SHISA9: variants seen among roughly 807,000 people sequenced by gnomAD.
SHISA9 encodes the protein shisa family member 9.
In SHISA9, 13 loss-of-function variants were observed where a neutral mutation model predicts 38.0. That is an observed-to-expected ratio of 0.34 (90% CI 0.22 to 0.54). SHISA9 has a LOEUF of 0.54. Among genes scored for constraint, SHISA9 ranks in the 20% least tolerant of loss-of-function variants. SHISA9 has a pLI of 0.91. For missense variants in SHISA9, 538 were observed against 575.8 expected, an observed-to-expected ratio of 0.93 and a Z score of 0.67; for synonymous variants, 275 against 242.0, an observed-to-expected ratio of 1.14 and a Z score of -1.27.
At chr16:13,393,078 G>C in the SHISA9 span, among the ~76,000 whole-genome samples, 1 of 152,192 alleles carries the variant, frequency 6.6e-6, no homozygotes, top group Admixed American at 6.5e-5. Flanking sequence ...GAGGCTTTCA[G>C]GCCTGGGGGA....
chr16:13,389,444 G>A, the SHISA9 span, among the ~76,000 whole-genome samples: 5 of 152,186 alleles, frequency 3.3e-5, no homozygotes, highest in African/African-American at 1.2e-4. Flanking sequence ...CATGGTAAAA[G>A]TGGAAAGCAG....
At chr16:13,015,496 TA>T (rs771500764) in intron 2 of SHISA9, among the ~76,000 whole-genome samples, 9 of 152,250 alleles carry the variant, frequency 5.9e-5, no homozygotes, top group African/African-American at 9.6e-5. Context: ...CCAAAGCCAG[TA>T]TTCTTTACTC....
chr16:12,979,337 G>A (rs1454520523), intron 2 of SHISA9, among the ~76,000 whole-genome samples: 1 of 151,206 alleles, frequency 6.6e-6, no homozygotes, highest in Non-Finnish European at 1.5e-5. Flanking sequence ...ACACAAAACT[G>A]GACTGCTTAT....
At chr16:13,188,362 G>C (rs1228215491) in intron 2 of SHISA9, among the ~76,000 whole-genome samples, 1 of 152,178 alleles carries the variant, frequency 6.6e-6, no homozygotes, top group East Asian at 1.9e-4. Context: ...ATCCAGTAAG[G>C]AGTGAGGCTA....
intron 2 of SHISA9, among the ~76,000 whole-genome samples, chr16:13,046,477 C>T (rs958386985): frequency 2.2e-4 from 33 of 152,144 alleles, no homozygotes; most frequent in African/African-American, 7.0e-4. Context: ...GTCCTCTTTT[C>T]TCATCTTCCA....
intron 2 of SHISA9, among the ~76,000 whole-genome samples, chr16:13,129,739 G>A (rs2050291287): frequency 6.6e-6 from 1 of 152,138 alleles, no homozygotes; most frequent in South Asian, 2.1e-4. Flanking sequence ...TCAATGGATG[G>A]TCCCATATGT....
intron 2 of SHISA9, among the ~76,000 whole-genome samples, chr16:13,042,241 A>G (rs1169680261): frequency 1.3e-5 from 2 of 152,188 alleles, no homozygotes; most frequent in African/African-American, 2.4e-5. Flanking sequence ...CTGTGTGTTC[A>G]TGTTGATTAG....
At chr16:13,361,674 T>C in the SHISA9 span, among the ~76,000 whole-genome samples, 2 of 152,238 alleles carry the variant, frequency 1.3e-5, no homozygotes, top group African/African-American at 4.8e-5. Flanking sequence ...CTTCCACTCA[T>C]GTGCTGTTCC....
At chr16:13,302,777 C>T in the SHISA9 span, among the ~76,000 whole-genome samples, 1 of 152,152 alleles carries the variant, frequency 6.6e-6, no homozygotes, top group Non-Finnish European at 1.5e-5. Context: ...TTGTAATCCC[C>T]ATAATCCCCA....
At chr16:13,525,887 C>G in the SHISA9 span, among the ~76,000 whole-genome samples, 1 of 152,210 alleles carries the variant, frequency 6.6e-6, no homozygotes, top group Non-Finnish European at 1.5e-5. Flanking sequence ...TGGTCATCAA[C>G]CTTGCCTGGG....
At chr16:13,475,474 T>C in the SHISA9 span, among the ~76,000 whole-genome samples, 2 of 152,222 alleles carry the variant, frequency 1.3e-5, no homozygotes. Flanking sequence ...GACAAATATG[T>C]GTCAGGCATA....
the SHISA9 span, among the ~76,000 whole-genome samples, chr16:13,379,410 T>A: frequency 1.3e-5 from 2 of 152,056 alleles, no homozygotes; most frequent in Non-Finnish European, 2.9e-5. Context: ...AATTTTCCCA[T>A]CAGAGCTTTT....
chr16:13,198,028 C>T lies in SHISA9; in HGVS notation c.692-5366C>T, dbSNP rs567080450. The stretch of plus-strand genomic sequence containing the variant: ...GGAGAAGCCCCTTCTCTACTAAAAA[C>T]ACAAAAATTAGCCGGGCTTGGTGGC... On this transcript the variant is annotated intron_variant, in intron 2 of 4. Transcript: ENST00000558583. Among the ~76,000 whole-genome samples the T allele has an allele frequency of 1.6e-3, 245 of 152,078 alleles. 2 individuals are homozygous for T. Among genetic ancestry groups the T allele is most frequent in the African/African-American group, 5.6e-3 (233 of 41,488 alleles).
the SHISA9 span, among the ~76,000 whole-genome samples, chr16:13,284,764 AT>A: frequency 6.6e-6 from 1 of 152,060 alleles, no homozygotes; most frequent in African/African-American, 2.4e-5. Context: ...TGCCGGGCTA[AT>A]TTTTTGTATT....
chr16:13,044,109 G>A (rs1371052889), intron 2 of SHISA9, among the ~76,000 whole-genome samples: 1 of 152,146 alleles, frequency 6.6e-6, no homozygotes, highest in African/African-American at 2.4e-5. Context: ...CTCAACCTGT[G>A]GTCTGTTTCA....
intron 2 of SHISA9, among the ~76,000 whole-genome samples, chr16:13,136,562 C>A (rs1217911002): frequency 6.6e-6 from 1 of 151,870 alleles, no homozygotes; most frequent in African/African-American, 2.4e-5. Context: ...CCACTCCCGG[C>A]TGATTTTTTG....
the SHISA9 span, among the ~76,000 whole-genome samples, chr16:13,531,849 A>G: frequency 6.6e-6 from 1 of 152,236 alleles, no homozygotes; most frequent in African/African-American, 2.4e-5. Context: ...TGTGTGGCAC[A>G]GGGCCTAAAT....
chr16:13,451,473 C>T, the SHISA9 span, among the ~76,000 whole-genome samples: 1 of 152,156 alleles, frequency 6.6e-6, no homozygotes. Context: ...TCCTCAAATT[C>T]ACCAGGAAAG....
chr16:13,399,764 C>A, the SHISA9 span, among the ~76,000 whole-genome samples: 1 of 152,196 alleles, frequency 6.6e-6, no homozygotes, highest in Non-Finnish European at 1.5e-5. Flanking sequence ...GATCTGGTTA[C>A]AATTCAGTTT....
Sources: gnomAD v4.1 joint callset for allele counts (sites outside exome capture counted in the v4.1 genomes callset) on GRCh38, gnomAD v4.1.1 for gene constraint, MANE v1.5 for transcripts, NCBI Gene and HGNC (gene_info 2026-07-23, HGNC 2026-07-21) for gene names.